REV1: variants seen among roughly 807,000 people sequenced by gnomAD.
REV1 encodes the protein translesion synthesis protein REV1.
In REV1, 42 loss-of-function variants were observed where a neutral mutation model predicts 137.4. The ratio of observed to expected loss-of-function variants is 0.31; its 90% confidence interval spans 0.24 to 0.40. The LOEUF (loss-of-function observed/expected upper bound fraction) is 0.40, where lower values mean the gene tolerates loss of function less well. Ranked by LOEUF, REV1 falls within the 10% of genes least tolerant of loss-of-function variation. The pLI, the probability that REV1 is intolerant of heterozygous loss-of-function variation, is 1.00. For synonymous variants in REV1, 524 were observed against 519.2 expected (o/e 1.01, Z -0.12); for missense variants, 1,282 against 1,490.1 (o/e 0.86, Z 2.30).
chr2:99,467,047 T>A (rs1684888347), intron 1 of REV1, among the ~76,000 whole-genome samples: 1 of 152,168 alleles, frequency 6.6e-6, no homozygotes, highest in African/African-American at 2.4e-5. Context: ...TAAAAACACA[T>A]ACCCCGATAA....
At chr2:99,416,594 A>G (rs1440142686) in intron 12 of REV1, among the ~76,000 whole-genome samples, 1 of 152,204 alleles carries the variant, frequency 6.6e-6, no homozygotes, top group Admixed American at 6.5e-5. Context: ...GCTGTGCCTC[A>G]GCTTGGCCAG....
At chr2:99,431,383 T>C (rs982087460) in intron 8 of REV1, among the ~76,000 whole-genome samples, 3 of 152,136 alleles carry the variant, frequency 2.0e-5, no homozygotes. Context: ...TCTGGAGGGT[T>C]TTAAAAGGGT....
rs754428066 is a variant in REV1 at position 99,402,237 on chromosome 2, T to TTAC, written c.3644+4_3644+6dup. On this transcript the variant is annotated splice_region_variant and intron_variant, in intron 22 of 22. Coordinates refer to ENST00000258428, the MANE Select transcript of REV1 (RefSeq NM_016316.4). ...TTTCCCATTTGATAAAAGTGATGAA[T>TTAC]TACTACCTTTTCATGTATTTTATAA... 8.7e-7 allele frequency: 1 copy of TTAC among 1,148,052 alleles called. No individual in the cohort carries two copies. Among genetic ancestry groups the TTAC allele is most frequent in the African/African-American group, 1.5e-5 (1 of 64,708 alleles). The allele number at this position is 1,148,052 out of a possible 1,614,324, so 71.1% of individuals were successfully genotyped here.
chr2:99,443,466 G>A (rs1219890207), intron 4 of REV1, among the ~76,000 whole-genome samples: 3 of 152,100 alleles, frequency 2.0e-5, no homozygotes, highest in Non-Finnish European at 4.4e-5. Context: ...TGACTGAATT[G>A]GCTTACAGAA....
In REV1 at chr2:99,429,959, A is replaced by T. The variant is rs768565185; in HGVS notation, c.1439-11T>A. The stretch of plus-strand genomic sequence containing the variant: ...AATCTGGTATATCTGCTTTAAAAAT[A>T]AAAAAAAATTAATGGTTATATGTTA... On this transcript the variant is annotated splice_polypyrimidine_tract_variant and intron_variant, in intron 8 of 22. Transcript: ENST00000258428. The T allele has an allele frequency of 3.5e-6, 5 of 1,442,436 alleles. No homozygotes were observed. The East Asian group carries it at 7.2e-5, about 21-fold the overall frequency. The allele number at this position is 1,442,436 out of a possible 1,614,324, so 89.4% of individuals were successfully genotyped here. A position where few individuals can be genotyped will look rare whatever the true frequency, so the allele number is the denominator to read the frequency against.
intron 12 of REV1, 27 bp downstream of exon 12, chr2:99,418,801 A>C: frequency 6.3e-7 from 1 of 1,596,442 alleles, no homozygotes; most frequent in South Asian, 1.1e-5. Flanking sequence ...CCTGTAATAA[A>C]AGTATTGTTA....
At position 99,462,274 on chromosome 2, in the gene REV1, C is replaced by T. The variant is rs373986919; in HGVS notation, c.181+222G>A. On this transcript the variant is annotated intron_variant, in intron 3 of 22. Coordinates refer to ENST00000258428, the MANE Select transcript of REV1 (RefSeq NM_016316.4). ...ATTTCCCGTTTTTCATTTTAAACCT[C>T]ACGTGACTTTTTGAAACTATGTACT... 4.7e-4 allele frequency among the ~76,000 whole-genome samples: 72 copies of T among 152,276 alleles called. 1 individual carries two copies. The East Asian group carries it at 9.8e-3, about 21-fold the overall frequency.
intron 8 of REV1, chr2:99,431,849 G>A (rs1457676538): frequency 1.0e-6 from 1 of 985,426 alleles, no homozygotes. Flanking sequence ...GGAGGGCAAA[G>A]TAGAGAACTG....
intron 10 of REV1, among the ~76,000 whole-genome samples, chr2:99,423,090 T>A (rs908450874): frequency 2.0e-5 from 3 of 152,240 alleles, no homozygotes; most frequent in Admixed American, 6.5e-5. Flanking sequence ...AAGTGTCTTA[T>A]CATTCAGCAC....
At chr2:99,415,436 T>G (rs1677722600) in intron 12 of REV1, among the ~76,000 whole-genome samples, 1 of 152,216 alleles carries the variant, frequency 6.6e-6, no homozygotes, top group African/African-American at 2.4e-5. Context: ...TGTCCCCTCC[T>G]TGGCATCCAG....
At chr2:99,402,452 C>T in intron 21 of REV1, 106 bp from the exon 22 acceptor site, 1 of 788,456 alleles carries the variant, frequency 1.3e-6, no homozygotes, top group Non-Finnish European at 2.1e-6. Context: ...ATGTCACTAA[C>T]AGCTATCAAA....
intron 12 of REV1, among the ~76,000 whole-genome samples, chr2:99,415,943 C>T (rs1677793791): frequency 6.6e-6 from 1 of 152,234 alleles, no homozygotes. Context: ...ATTAGGTAAC[C>T]GGATCATATT....
chr2:99,405,840 T>A, intron 17 of REV1, 70 bp downstream of exon 17: 1 of 1,103,138 alleles, frequency 9.1e-7, no homozygotes, highest in Admixed American at 2.9e-5. Flanking sequence ...TTTTCATTTG[T>A]AAACTTGTAT....
chr2:99,406,136 C>T, intron 16 of REV1, 30 bp from the exon 17 acceptor site: 1 of 1,563,214 alleles, frequency 6.4e-7, no homozygotes, highest in Non-Finnish European at 8.7e-7. Context: ...AAAATAGCCT[C>T]TTCAGATCAT....
chr2:99,424,810 G>A, intron 9 of REV1: 1 of 1,304,212 alleles, frequency 7.7e-7, no homozygotes, highest in Non-Finnish European at 1.0e-6. Context: ...TGCTCCTGAA[G>A]TGGCTCCACA....
intron 6 of REV1, among the ~76,000 whole-genome samples, chr2:99,437,936 C>T (rs1288338322): frequency 1.3e-5 from 2 of 151,998 alleles, no homozygotes; most frequent in Admixed American, 1.3e-4. Flanking sequence ...CCTCAGTTTC[C>T]ACAGCTATAA....
At chr2:99,459,606 T>C (rs1446303756) in intron 3 of REV1, among the ~76,000 whole-genome samples, 1 of 151,900 alleles carries the variant, frequency 6.6e-6, no homozygotes, top group Admixed American at 6.6e-5. Flanking sequence ...CTTGGGAGCC[T>C]GAGGAGAGAG....
chr2:99,442,113 G>A (rs1259790108), intron 5 of REV1, among the ~76,000 whole-genome samples: 1 of 151,916 alleles, frequency 6.6e-6, no homozygotes, highest in Non-Finnish European at 1.5e-5. Context: ...TTAGCCAGGC[G>A]TGGTGGCACA....
intron 11 of REV1, 85 bp from the exon 12 acceptor site, chr2:99,419,032 T>A: frequency 9.0e-7 from 1 of 1,109,398 alleles, no homozygotes; most frequent in Non-Finnish European, 1.3e-6. Flanking sequence ...AGGTTATCCA[T>A]CAAGTTTCTA....
Sources: allele counts gnomAD v4.1 joint callset (sites outside exome capture counted in the v4.1 genomes callset), GRCh38; gene constraint gnomAD v4.1.1; transcripts MANE v1.5; gene names NCBI Gene and HGNC (gene_info 2026-07-23, HGNC 2026-07-21).